PDE1C: variants seen among roughly 807,000 people sequenced by gnomAD.
PDE1C encodes phosphodiesterase 1C.
Under a neutral mutation model 93.1 loss-of-function variants are expected in PDE1C, and 62 were observed. The ratio of observed to expected loss-of-function variants is 0.67; its 90% CI spans 0.54 to 0.82. The LOEUF (loss-of-function observed/expected upper bound fraction) is 0.82. Among genes scored for constraint, PDE1C ranks in the 40% least tolerant of loss-of-function variants. The pLI is 0.00. For synonymous variants in PDE1C, 325 were observed against 310.1 expected, an observed-to-expected ratio of 1.05 and a Z score of -0.50; for missense variants, 742 against 884.6, an observed-to-expected ratio of 0.84 and a Z score of 2.04.
intron 2 of PDE1C, among the ~76,000 whole-genome samples, chr7:32,205,916 A>G (rs1479908974): frequency 6.6e-6 from 1 of 152,190 alleles, no homozygotes; most frequent in African/African-American, 2.4e-5. Flanking sequence ...TTAAGGAACA[A>G]ACTATGGACA....
intron 16 of PDE1C, among the ~76,000 whole-genome samples, chr7:31,807,824 T>C (rs560493622): frequency 6.6e-6 from 1 of 152,034 alleles, no homozygotes; most frequent in East Asian, 1.9e-4. Flanking sequence ...TCAGAGACTG[T>C]CATTCTAAAT....
chr7:31,879,325 T>A, intron 3 of PDE1C, 147 bp from the exon 4 acceptor site: 3 of 716,716 alleles, frequency 4.2e-6, no homozygotes, highest in Non-Finnish European at 6.8e-6. Flanking sequence ...AGTGCCTTTT[T>A]GGTAAGGCTT....
intron 1 of PDE1C, among the ~76,000 whole-genome samples, chr7:32,241,953 A>G (rs548005217): frequency 1.3e-5 from 2 of 152,232 alleles, no homozygotes; most frequent in Middle Eastern, 3.4e-3. Context: ...GATTGCTTCT[A>G]CCTTCTCAGG....
At chr7:31,691,877 T>C in the PDE1C span, among the ~76,000 whole-genome samples, 1 of 151,308 alleles carries the variant, frequency 6.6e-6, no homozygotes, top group Non-Finnish European at 1.5e-5. Flanking sequence ...AAAGGATTCA[T>C]TTTATTTTTA....
intron 17 of PDE1C, among the ~76,000 whole-genome samples, chr7:31,770,039 G>C (rs1276622614): frequency 6.6e-6 from 1 of 152,140 alleles, no homozygotes; most frequent in African/African-American, 2.4e-5. Context: ...ATGTGAGGGT[G>C]CTAATTTCAC....
At chr7:31,679,641 C>T in the PDE1C span, among the ~76,000 whole-genome samples, 1 of 152,294 alleles carries the variant, frequency 6.6e-6, no homozygotes, top group African/African-American at 2.4e-5. Context: ...TTGCACATAC[C>T]TTAAAATTCT....
intron 2 of PDE1C, among the ~76,000 whole-genome samples, chr7:31,890,466 G>A (rs182855810): frequency 2.8e-4 from 43 of 152,246 alleles, no homozygotes; most frequent in African/African-American, 7.5e-4. Flanking sequence ...GCCTAGACAC[G>A]TCAAGACACA....
At chr7:32,119,325 C>T (rs894749887) in intron 3 of PDE1C, among the ~76,000 whole-genome samples, 2 of 152,158 alleles carry the variant, frequency 1.3e-5, no homozygotes, top group African/African-American at 4.8e-5. Flanking sequence ...ACTACAACTC[C>T]AGGCTTGCCT....
At chr7:31,814,653 A>G (rs961702936) in intron 15 of PDE1C, among the ~76,000 whole-genome samples, 3 of 150,498 alleles carry the variant, frequency 2.0e-5, no homozygotes, top group African/African-American at 7.4e-5. Context: ...ACCTGGTCGC[A>G]CCAGGCAGGC....
chr7:31,904,249 G>A (rs965143995), intron 2 of PDE1C, among the ~76,000 whole-genome samples: 2 of 152,064 alleles, frequency 1.3e-5, no homozygotes, highest in African/African-American at 4.8e-5. Context: ...CTGGGCAATA[G>A]GAAGATAAAA....
At chr7:31,999,066 G>A (rs867764631) in intron 2 of PDE1C, among the ~76,000 whole-genome samples, 8 of 152,098 alleles carry the variant, frequency 5.3e-5, no homozygotes, top group South Asian at 2.1e-4. Flanking sequence ...TTCCTATGCC[G>A]ACCCTTACTC....
the PDE1C span, chr7:31,658,589 G>A: frequency 1.2e-5 from 4 of 344,486 alleles, no homozygotes; most frequent in Non-Finnish European, 1.5e-5. Context: ...TGTTCATGAT[G>A]TGCGAGAATT....
intron 1 of PDE1C, among the ~76,000 whole-genome samples, chr7:32,054,830 A>G (rs1032395612): frequency 6.6e-6 from 1 of 152,234 alleles, no homozygotes; most frequent in African/African-American, 2.4e-5. Context: ...AAAGCACAAG[A>G]GAAAATGCAA....
intron 17 of PDE1C, among the ~76,000 whole-genome samples, chr7:31,762,067 T>C (rs994776328): frequency 6.6e-6 from 1 of 152,210 alleles, no homozygotes; most frequent in South Asian, 2.1e-4. Flanking sequence ...AGGAACTATC[T>C]AGAAGATTTG....
chr7:31,922,241 A>G (rs1365365036), intron 2 of PDE1C, among the ~76,000 whole-genome samples: 1 of 152,174 alleles, frequency 6.6e-6, no homozygotes, highest in African/African-American at 2.4e-5. Context: ...ACTCTATTTA[A>G]CAATCTTCAG....
At chr7:31,868,187 A>C (rs187965000) in intron 6 of PDE1C, among the ~76,000 whole-genome samples, 420 of 152,350 alleles carry the variant, frequency 2.8e-3, no homozygotes, top group Middle Eastern at 0.014. Flanking sequence ...ATTACCCAGC[A>C]AGAGACCCCA....
At chr7:32,416,961 G>A (rs1013463847) in intron 1 of PDE1C, among the ~76,000 whole-genome samples, 1 of 152,078 alleles carries the variant, frequency 6.6e-6, no homozygotes, top group Non-Finnish European at 1.5e-5. Flanking sequence ...CCAGAGTACC[G>A]CCACATATGG....
At chr7:32,087,253 T>C (rs1204502513) in intron 3 of PDE1C, among the ~76,000 whole-genome samples, 3 of 150,430 alleles carry the variant, frequency 2.0e-5, no homozygotes, top group African/African-American at 7.4e-5. Context: ...TGAAAAAATG[T>C]TCATCATCAC....
chr7:31,864,885 A>G (rs1017187872), intron 7 of PDE1C, 57 bp downstream of exon 7: 4 of 1,561,382 alleles, frequency 2.6e-6, no homozygotes, highest in Non-Finnish European at 3.5e-6. Flanking sequence ...AACAGTCACC[A>G]TTAAAAACTC....
Sources: allele counts gnomAD v4.1 joint callset (sites outside exome capture counted in the v4.1 genomes callset), GRCh38; gene constraint gnomAD v4.1.1; transcripts MANE v1.5; gene names NCBI Gene and HGNC (gene_info 2026-07-23, HGNC 2026-07-21).